The following CCSER1 variants were observed in gnomAD, a reference collection of about 807,000 sequenced individuals.
CCSER1 encodes the protein coiled-coil serine rich protein 1.
Under a neutral mutation model 82.0 loss-of-function variants are expected in CCSER1, and 41 were observed. That is an observed-to-expected ratio of 0.50 (90% CI 0.39 to 0.65). The LOEUF (loss-of-function observed/expected upper bound fraction) is 0.65, where lower values mean the gene tolerates loss of function less well. Ranked by LOEUF, CCSER1 falls within the 30% of genes least tolerant of loss-of-function variation. The probability of loss-of-function intolerance (pLI) is 0.00; values close to 1 mark genes in which losing one functional copy is unlikely to be tolerated. For synonymous variants in CCSER1, 414 were observed against 383.9 expected, an observed-to-expected ratio of 1.08 and a Z score of -0.92; for missense variants, 1,119 against 1,064.2, an observed-to-expected ratio of 1.05 and a Z score of -0.72.
intron 9 of CCSER1, among the ~76,000 whole-genome samples, chr4:90,999,591 TGTTAA>T (rs941464528): frequency 1.3e-5 from 2 of 152,168 alleles, no homozygotes; most frequent in African/African-American, 4.8e-5. Flanking sequence ...GTTTTATGCT[TGTTAA>T]GTTGTTTAAG....
At chr4:90,508,928 TTAC>T (rs1324502086) in intron 5 of CCSER1, among the ~76,000 whole-genome samples, 1 of 152,066 alleles carries the variant, frequency 6.6e-6, no homozygotes, top group Non-Finnish European at 1.5e-5. Flanking sequence ...CTAAACAACC[TTAC>T]TAAAATAGGA....
At chr4:91,216,451 C>G (rs2149092523) in intron 10 of CCSER1, among the ~76,000 whole-genome samples, 1 of 152,228 alleles carries the variant, frequency 6.6e-6, no homozygotes, top group Middle Eastern at 3.4e-3. Context: ...TCCCGAATAG[C>G]TGGGACTACA....
chr4:91,494,270 G>C (rs1758697065), intron 10 of CCSER1, among the ~76,000 whole-genome samples: 1 of 151,752 alleles, frequency 6.6e-6, no homozygotes, highest in Admixed American at 6.6e-5. Context: ...GTGCAAATGT[G>C]AACTACTAGC....
chr4:90,717,739 T>C (rs79836857), intron 6 of CCSER1, among the ~76,000 whole-genome samples: 19 of 91,046 alleles, frequency 2.1e-4, no homozygotes, highest in South Asian at 6.9e-4. Context: ...TATATATATA[T>C]ACACATATAT....
chr4:90,695,797 G>T (rs535017240), intron 6 of CCSER1, among the ~76,000 whole-genome samples: 272 of 151,522 alleles, frequency 1.8e-3, no homozygotes, highest in African/African-American at 6.4e-3. Flanking sequence ...ATTTTTTCAA[G>T]GAATTTTTTT....
intron 4 of CCSER1, among the ~76,000 whole-genome samples, chr4:90,423,964 G>A (rs188432731): frequency 0.017 from 2,555 of 150,736 alleles, 69 homozygotes; most frequent in African/African-American, 0.058. Flanking sequence ...AGTGGCGGGC[G>A]CCTGTAGTAC....
intron 10 of CCSER1, among the ~76,000 whole-genome samples, chr4:91,492,147 G>A (rs1166485798): frequency 6.6e-6 from 1 of 151,876 alleles, no homozygotes; most frequent in African/African-American, 2.4e-5. Flanking sequence ...TCTCCTACAG[G>A]AAGTAGGATG....
At chr4:90,520,542 A>C (rs1045022036) in intron 5 of CCSER1, among the ~76,000 whole-genome samples, 4 of 152,248 alleles carry the variant, frequency 2.6e-5, no homozygotes, top group African/African-American at 9.6e-5. Flanking sequence ...CTTCAGGACT[A>C]TGTCTTGCTT....
chr4:91,601,890 T>C lies in CCSER1; in HGVS notation c.*2833T>C, dbSNP rs1336088289. The C allele has an allele frequency of 6.6e-6, 1 of 152,118 alleles. No homozygotes were observed. Among genetic ancestry groups the C allele is most frequent in the Non-Finnish European group, 1.5e-5 (1 of 67,954 alleles). 9.4% of individuals were successfully genotyped at this position (152,118 alleles called of 1,614,324 possible). ...CTGAAATAAACTGTTCCCATTTTTA[T>C]AATTATTGGAACATGAAACTGTATT... On this transcript the variant is annotated 3_prime_UTR_variant, in exon 11 of 11. Coordinates refer to ENST00000509176, the MANE Select transcript of CCSER1 (RefSeq NM_001145065.2).
At chr4:91,462,726 C>T (rs112904983) in intron 10 of CCSER1, among the ~76,000 whole-genome samples, 6 of 152,260 alleles carry the variant, frequency 3.9e-5, no homozygotes, top group South Asian at 2.1e-4. Flanking sequence ...GTGCCTGGCT[C>T]GGAGGGTCCC....
intron 1 of CCSER1, among the ~76,000 whole-genome samples, chr4:90,195,440 A>G (rs2153400166): frequency 6.6e-6 from 1 of 152,218 alleles, no homozygotes; most frequent in East Asian, 1.9e-4. Context: ...AGTGGTTTCC[A>G]GGGATATCCA....
chr4:91,297,183 C>T (rs143806606), intron 10 of CCSER1, among the ~76,000 whole-genome samples: 151 of 151,934 alleles, frequency 9.9e-4, no homozygotes, highest in African/African-American at 3.4e-3. Context: ...AATTTCTTAG[C>T]ATTTCATTTT....
chr4:90,884,850 A>G (rs920952751), intron 8 of CCSER1, among the ~76,000 whole-genome samples: 2 of 152,124 alleles, frequency 1.3e-5, no homozygotes, highest in East Asian at 1.9e-4. Flanking sequence ...TCAGCATTTT[A>G]TAGATTGAAG....
At chr4:91,582,150 A>G (rs1457824443) in intron 10 of CCSER1, among the ~76,000 whole-genome samples, 1 of 151,640 alleles carries the variant, frequency 6.6e-6, no homozygotes, top group Admixed American at 6.6e-5. Flanking sequence ...TCATTTGAAT[A>G]CTGCATGGCA....
chr4:90,902,153 T>G (rs1423793891), intron 8 of CCSER1, among the ~76,000 whole-genome samples: 1 of 151,900 alleles, frequency 6.6e-6, no homozygotes, highest in East Asian at 1.9e-4. Flanking sequence ...TTATTTTGTT[T>G]TGTTTTGTTT....
intron 10 of CCSER1, among the ~76,000 whole-genome samples, chr4:91,490,421 A>T (rs976192234): frequency 6.6e-6 from 1 of 152,112 alleles, no homozygotes; most frequent in African/African-American, 2.4e-5. Flanking sequence ...TAAAGAAGAA[A>T]GAGATCCTGT....
At position 91,018,235 on chromosome 4, in the gene CCSER1, CCAAAA is replaced by C. The variant is rs1409601966; in HGVS notation, c.2173-67708_2173-67704del. Among the ~76,000 whole-genome samples, 5 of 152,064 alleles carry C rather than the reference CCAAAA, an allele frequency of 3.3e-5. No homozygotes were observed. In the East Asian group the frequency reaches 9.6e-4, roughly 29 times the overall value. ...CTTTTCTCACTCAAAGCATAGCTTT[CCAAAA>C]CAAAACTACACTTTCTCTAGTATTT... On this transcript the variant is annotated intron_variant, in intron 9 of 10. Transcript: ENST00000509176.
At chr4:91,423,264 TAA>T (rs143322815) in intron 10 of CCSER1, among the ~76,000 whole-genome samples, 10 of 138,306 alleles carry the variant, frequency 7.2e-5, no homozygotes, top group Admixed American at 7.3e-5. Context: ...CGTCTCTACT[TAA>T]AAAAAAAAAA....
chr4:91,351,202 T>C (rs1232066778), intron 10 of CCSER1, among the ~76,000 whole-genome samples: 1 of 152,058 alleles, frequency 6.6e-6, no homozygotes, highest in Non-Finnish European at 1.5e-5. Flanking sequence ...ATTACTTTAT[T>C]ATAAAATAAA....
Sources: gnomAD v4.1 joint callset for allele counts (sites outside exome capture counted in the v4.1 genomes callset) on GRCh38, gnomAD v4.1.1 for gene constraint, MANE v1.5 for transcripts, NCBI Gene and HGNC (gene_info 2026-07-23, HGNC 2026-07-21) for gene names.